Variants in PHACTR1 observed in about 807,000 individuals in gnomAD.
PHACTR1 encodes the protein phosphatase and actin regulator 1, also known as RPEL repeat containing 1.
In PHACTR1, 16 loss-of-function variants were observed where a neutral mutation model predicts 69.2. That is an observed-to-expected ratio of 0.23 (90% CI 0.16 to 0.35). PHACTR1 has a LOEUF of 0.35. PHACTR1 is among the 10% of genes least tolerant of loss of function. The probability of loss-of-function intolerance (pLI) is 1.00; values close to 1 mark genes in which losing one functional copy is unlikely to be tolerated. For synonymous variants in PHACTR1, 312 were observed against 284.5 expected (o/e 1.10, Z -0.97); for missense variants, 510 against 734.7 (o/e 0.69, Z 3.54).
chr6:13,025,117 T>C (rs1373623355), intron 4 of PHACTR1, among the ~76,000 whole-genome samples: 1 of 151,914 alleles, frequency 6.6e-6, no homozygotes, highest in Non-Finnish European at 1.5e-5. Context: ...TAGCCGGGCA[T>C]GGTGGTGCGT....
chr6:13,134,996 A>G (rs1198975633), intron 5 of PHACTR1, among the ~76,000 whole-genome samples: 2 of 152,116 alleles, frequency 1.3e-5, no homozygotes, highest in East Asian at 3.9e-4. Flanking sequence ...GCATGTCAGG[A>G]AAATGAAATA....
intron 4 of PHACTR1, among the ~76,000 whole-genome samples, chr6:12,801,895 T>C (rs1212850826): frequency 1.3e-5 from 2 of 152,016 alleles, no homozygotes; most frequent in Non-Finnish European, 2.9e-5. Context: ...AATCAGGAAT[T>C]AGGTTTCCGA....
chr6:13,249,797 CAAA>C (rs5874406), intron 10 of PHACTR1, among the ~76,000 whole-genome samples: 4,332 of 79,810 alleles, frequency 0.054, 208 homozygotes, highest in African/African-American at 0.16. Context: ...AACTCCGTCT[CAAA>C]AAAAAAAAAA....
intron 4 of PHACTR1, among the ~76,000 whole-genome samples, chr6:12,998,657 C>T (rs35713382): frequency 0.24 from 36,286 of 149,770 alleles, 5,146 homozygotes; most frequent in African/African-American, 0.39. Context: ...CCCAAGGCAG[C>T]GCAAAACATC....
intron 5 of PHACTR1, among the ~76,000 whole-genome samples, chr6:13,131,712 CAT>C (rs762993259): frequency 1.8e-4 from 27 of 152,142 alleles, no homozygotes; most frequent in Non-Finnish European, 1.0e-4. Context: ...AATTTGATAA[CAT>C]GTGGCATTCT....
At chr6:12,878,790 C>G (rs1342983076) in intron 4 of PHACTR1, among the ~76,000 whole-genome samples, 1 of 152,174 alleles carries the variant, frequency 6.6e-6, no homozygotes, top group Non-Finnish European at 1.5e-5. Context: ...CCTTGTCCCC[C>G]TTTAAACTTC....
intron 5 of PHACTR1, among the ~76,000 whole-genome samples, chr6:13,117,843 T>C (rs1196188844): frequency 6.6e-6 from 1 of 152,154 alleles, no homozygotes. Flanking sequence ...TTCCTGTGCT[T>C]TTATCCCACC....
At chr6:12,944,780 T>TA (rs576776942) in intron 4 of PHACTR1, among the ~76,000 whole-genome samples, 1 of 127,146 alleles carries the variant, frequency 7.9e-6, no homozygotes, top group African/African-American at 3.3e-5. Flanking sequence ...TTTATTTATT[T>TA]TTATTTATTT....
At chr6:12,889,871 A>C (rs1784009125) in intron 4 of PHACTR1, among the ~76,000 whole-genome samples, 1 of 147,792 alleles carries the variant, frequency 6.8e-6, no homozygotes, top group Non-Finnish European at 1.5e-5. Flanking sequence ...GGGGCTTGTA[A>C]ACATGTAGTC....
intron 4 of PHACTR1, among the ~76,000 whole-genome samples, chr6:12,917,559 C>T (rs1413065756): frequency 6.6e-6 from 1 of 152,054 alleles, no homozygotes; most frequent in African/African-American, 2.4e-5. Flanking sequence ...TTGAGACAAG[C>T]CTGGGCAACA....
In PHACTR1 at chr6:13,180,100, G is replaced by T. The variant is rs750020742; in HGVS notation, c.497-2419G>T. 1.4e-4 allele frequency among the ~76,000 whole-genome samples: 22 copies of T among 152,128 alleles called. 1 individual carries two copies. The highest frequency in any genetic ancestry group is 7.4e-5 in the Non-Finnish European group (5 of 68,020). On this transcript the variant is annotated intron_variant, in intron 6 of 14. Transcript: ENST00000332995. ...ATCCAGTATAATCATTAAGATGATA[G>T]TTATGCTTATAATAGTATGGGGGAA...
intron 4 of PHACTR1, among the ~76,000 whole-genome samples, chr6:13,013,807 C>T (rs1288219625): frequency 6.7e-6 from 1 of 148,854 alleles, no homozygotes; most frequent in East Asian, 2.0e-4. Context: ...GGGGCGGGGG[C>T]ATGCTGGCGA....
At chr6:13,114,760 G>A (rs1347751151) in intron 5 of PHACTR1, among the ~76,000 whole-genome samples, 1 of 152,136 alleles carries the variant, frequency 6.6e-6, no homozygotes, top group Non-Finnish European at 1.5e-5. Context: ...CACTACATGG[G>A]AGAGACCTGC....
intron 5 of PHACTR1, among the ~76,000 whole-genome samples, chr6:13,100,836 A>G (rs9473483): frequency 0.013 from 1,913 of 152,302 alleles, 40 homozygotes; most frequent in African/African-American, 0.043. Flanking sequence ...TGCTGATAAT[A>G]AGGAAAGGGT....
At chr6:12,871,211 G>A (rs1781990658) in intron 4 of PHACTR1, among the ~76,000 whole-genome samples, 1 of 152,078 alleles carries the variant, frequency 6.6e-6, no homozygotes, top group African/African-American at 2.4e-5. Flanking sequence ...GAATGTGTTG[G>A]TATTTGCTCA....
chr6:13,083,592 C>T (rs1425406012), intron 5 of PHACTR1, among the ~76,000 whole-genome samples: 1 of 152,034 alleles, frequency 6.6e-6, no homozygotes, highest in Non-Finnish European at 1.5e-5. Flanking sequence ...GAATGTTCTT[C>T]CATTTGTTTG....
At chr6:12,780,895 TG>T (rs1770732618) in intron 4 of PHACTR1, among the ~76,000 whole-genome samples, 1 of 152,154 alleles carries the variant, frequency 6.6e-6, no homozygotes, top group African/African-American at 2.4e-5. Context: ...ACAGATGAAG[TG>T]GGGGAAGGAA....
At position 12,890,768 on chromosome 6, in the gene PHACTR1, C is replaced by T. The variant is rs114804090; in HGVS notation, c.250+140978C>T. 9.6e-3 allele frequency among the ~76,000 whole-genome samples: 1,458 copies of T among 152,306 alleles called. 29 individuals carry two copies. Among genetic ancestry groups the T allele is most frequent in the African/African-American group, 0.033 (1,368 of 41,564 alleles). On this transcript the variant is annotated intron_variant, in intron 4 of 14. Transcript: ENST00000332995. ...CCATTTTTAAAAACGAACACTGCCC[C>T]ACCACACTTCTGGTCCTTCCAACTC...
chr6:13,002,862 C>T (rs1201560459), intron 4 of PHACTR1, among the ~76,000 whole-genome samples: 1 of 151,940 alleles, frequency 6.6e-6, no homozygotes, highest in Non-Finnish European at 1.5e-5. Context: ...GCATTAATGC[C>T]CTGAAGTATG....
Sources: gnomAD v4.1 joint callset for allele counts (sites outside exome capture counted in the v4.1 genomes callset) on GRCh38, gnomAD v4.1.1 for gene constraint, MANE v1.5 for transcripts, NCBI Gene and HGNC (gene_info 2026-07-23, HGNC 2026-07-21) for gene names.